IRGM: variants seen among roughly 807,000 people sequenced by gnomAD.
IRGM encodes the protein immunity related GTPase M.
For synonymous variants in IRGM, 98 were observed against 80.6 expected (o/e 1.22, Z -1.16); for missense variants, 288 against 219.9 (o/e 1.31, Z -1.96).
chr5:150,896,396 C>T (rs79142878), intron 3 of IRGM: 5 of 1,613,630 alleles, frequency 3.1e-6, no homozygotes, highest in Non-Finnish European at 4.2e-6. Context: ...TGAGTTGTGA[C>T]TTCTTAGCAA....
chr5:150,847,957 C>G lies in IRGM; in HGVS notation c.-167C>G, dbSNP rs1436936150. The G allele has an allele frequency of 1.2e-5, 7 of 597,604 alleles. No individual in the cohort carries two copies. Among genetic ancestry groups the G allele is most frequent in the Non-Finnish European group, 2.1e-5 (7 of 340,436 alleles). The allele number at this position is 597,604 out of a possible 1,614,324, so 37.0% of individuals were successfully genotyped here. Reference sequence around the variant, plus strand: ...TAGCTGGGACTACAGGCGCACACCACCACGCGCAGCTAATTTTTTTGTATT... The same window carrying G: ...TAGCTGGGACTACAGGCGCACACCAGCACGCGCAGCTAATTTTTTTGTATT... On this transcript the variant is annotated 5_prime_UTR_variant, in exon 2 of 2. Transcript: ENST00000522154.
intron 1 of IRGM, among the ~76,000 whole-genome samples, chr5:150,858,291 G>C (rs1042871755): frequency 1.3e-5 from 2 of 152,142 alleles, no homozygotes; most frequent in African/African-American, 4.8e-5. Flanking sequence ...CTATATCTCT[G>C]TTTTGGTACC....
chr5:150,880,017 T>C (rs1214276147), intron 3 of IRGM, among the ~76,000 whole-genome samples: 2 of 152,206 alleles, frequency 1.3e-5, no homozygotes, highest in Admixed American at 6.5e-5. Flanking sequence ...CTTTCTTCCC[T>C]ATATAAGATG....
At chr5:150,859,761 A>G (rs1487525737) in intron 1 of IRGM, among the ~76,000 whole-genome samples, 1 of 152,078 alleles carries the variant, frequency 6.6e-6, no homozygotes, top group Non-Finnish European at 1.5e-5. Context: ...TTTCTGTGGG[A>G]TCGGTGGTGA....
intron 1 of IRGM, among the ~76,000 whole-genome samples, chr5:150,859,264 C>T (rs1342851732): frequency 6.6e-6 from 1 of 152,080 alleles, no homozygotes; most frequent in Non-Finnish European, 1.5e-5. Flanking sequence ...GCCTTGCATC[C>T]CAGGGATGAA....
Position 150,869,616 on chromosome 5 carries a change from T to C in IRGM, c.159-8364T>C, listed in dbSNP as rs140603251. Among the ~76,000 whole-genome samples, 38 of 152,302 alleles carry C rather than the reference T, an allele frequency of 2.5e-4. No individual in the cohort carries two copies. The East Asian group carries it at 6.2e-3, about 25-fold the overall frequency. ...TGTGAATCCATCTGGTCCTGGACTT[T>C]TTTGTTGGCAATTTTAAAATTACCA... is the stretch of plus-strand genomic sequence containing the variant. On this transcript the variant is annotated intron_variant and NMD_transcript_variant, in intron 1 of 3. Transcript: ENST00000520549.
intron 3 of IRGM, among the ~76,000 whole-genome samples, chr5:150,891,791 C>T (rs545300287): frequency 2.8e-4 from 42 of 152,136 alleles, no homozygotes; most frequent in East Asian, 9.7e-4. Flanking sequence ...TCCATGAACA[C>T]GCTGAGATTT....
At chr5:150,891,430 G>A (rs905762332) in intron 3 of IRGM, among the ~76,000 whole-genome samples, 1 of 151,848 alleles carries the variant, frequency 6.6e-6, no homozygotes, top group Admixed American at 6.6e-5. Flanking sequence ...TTTAATCTGA[G>A]TATATCATTA....
chr5:150,868,513 A>G (rs1329757332), intron 1 of IRGM, among the ~76,000 whole-genome samples: 3 of 152,058 alleles, frequency 2.0e-5, no homozygotes, highest in African/African-American at 4.8e-5. Context: ...GTGAAGAATG[A>G]TGATGGTATT....
chr5:150,868,910 G>A (rs557106156), intron 1 of IRGM, among the ~76,000 whole-genome samples: 1 of 151,946 alleles, frequency 6.6e-6, no homozygotes, highest in Admixed American at 6.6e-5. Flanking sequence ...GGTTCTCTGG[G>A]TATACAATTC....
intron 1 of IRGM, among the ~76,000 whole-genome samples, chr5:150,868,552 T>A (rs1754238347): frequency 6.6e-6 from 1 of 152,192 alleles, no homozygotes; most frequent in South Asian, 2.1e-4. Context: ...AATTTGCAGA[T>A]TGCTTTTGGC....
At chr5:150,886,235 A>G (rs1309741756) in intron 3 of IRGM, among the ~76,000 whole-genome samples, 1 of 152,034 alleles carries the variant, frequency 6.6e-6, no homozygotes, top group East Asian at 1.9e-4. Context: ...AAGCAAACTC[A>G]CATCCCAGGA....
chr5:150,865,020 T>C (rs1167192016), intron 1 of IRGM, among the ~76,000 whole-genome samples: 1 of 152,244 alleles, frequency 6.6e-6, no homozygotes, highest in Non-Finnish European at 1.5e-5. Context: ...TCTGTTTGTC[T>C]CTTTCTCTTC....
intron 1 of IRGM, among the ~76,000 whole-genome samples, chr5:150,876,770 G>A (rs1289961590): frequency 6.6e-6 from 1 of 152,204 alleles, no homozygotes; most frequent in East Asian, 1.9e-4. Flanking sequence ...GGTGCTTGCT[G>A]AAGTCAAAGG....
At chr5:150,885,510 A>G (rs987646091) in intron 3 of IRGM, among the ~76,000 whole-genome samples, 1 of 152,080 alleles carries the variant, frequency 6.6e-6, no homozygotes, top group African/African-American at 2.4e-5. Flanking sequence ...TGGTTTGGGA[A>G]GTACGCCCAT....
Position 150,847,828 on chromosome 5 carries a change from G to A in IRGM, c.-296G>A, listed in dbSNP as rs947258063. ...ATTGGGTTTTGTTTGTTTTGAGATGGAGTCTTGCTCTGTTGCCAGGCTGGA... is the reference window on the plus strand; with the variant it reads ...ATTGGGTTTTGTTTGTTTTGAGATGAAGTCTTGCTCTGTTGCCAGGCTGGA... On this transcript the variant is annotated 5_prime_UTR_variant, in exon 2 of 2. An upstream open reading frame in the 5' UTR gains an earlier in-frame stop. Coordinates refer to ENST00000522154, the MANE Select transcript of IRGM (RefSeq NM_001145805.2). The A allele has an allele frequency of 3.5e-6, 1 of 288,280 alleles. No individual in the cohort carries two copies. The highest frequency in any genetic ancestry group is 2.9e-5 in the African/African-American group (1 of 35,036). 17.9% of individuals were successfully genotyped at this position (288,280 alleles called of 1,614,324 possible).
intron 1 of IRGM, among the ~76,000 whole-genome samples, chr5:150,860,660 C>A (rs926473630): frequency 1.2e-4 from 18 of 152,208 alleles, no homozygotes; most frequent in Admixed American, 3.3e-4. Context: ...GCCTTCCACC[C>A]AGATCCCTGT....
At chr5:150,896,539 T>A in intron 3 of IRGM, 1 of 1,613,726 alleles carries the variant, frequency 6.2e-7, no homozygotes, top group Non-Finnish European at 8.5e-7. Flanking sequence ...CCATTGTGAA[T>A]CTTCTCAAGA....
intron 3 of IRGM, among the ~76,000 whole-genome samples, chr5:150,890,660 T>G (rs1251063875): frequency 6.6e-6 from 1 of 152,020 alleles, no homozygotes; most frequent in Non-Finnish European, 1.5e-5. Context: ...AGTTGTGTTT[T>G]TATTTTCATT....
Sources: allele counts gnomAD v4.1 joint callset (sites outside exome capture counted in the v4.1 genomes callset), GRCh38; gene constraint gnomAD v4.1.1; transcripts MANE v1.5; gene names NCBI Gene and HGNC (gene_info 2026-07-23, HGNC 2026-07-21).